Variants in AADACL2 observed in about 807,000 individuals in gnomAD.
The protein encoded by AADACL2 is arylacetamide deacetylase-like 2.
AADACL2 carries 23 observed loss-of-function variants against 22.3 expected under a neutral mutation model. That is an observed-to-expected ratio of 1.03 (90% CI 0.74 to 1.46). The LOEUF is 1.46. Ranked by LOEUF, AADACL2 falls within the 40% of genes most tolerant of loss-of-function variation. AADACL2 has a pLI of 0.00. For missense variants in AADACL2, 472 were observed against 482.9 expected (o/e 0.98, Z 0.21); for synonymous variants, 177 against 166.2 (o/e 1.07, Z -0.50).
chr3:151,744,324 C>T (rs959705706), intron 3 of AADACL2, among the ~76,000 whole-genome samples, 162 bp downstream of exon 3: 4 of 152,004 alleles, frequency 2.6e-5, no homozygotes, highest in African/African-American at 7.2e-5. Flanking sequence ...GTTCAGTGTC[C>T]CATTATTTTT....
At chr3:151,755,430 G>A (rs965505259) in intron 4 of AADACL2, among the ~76,000 whole-genome samples, 1 of 152,064 alleles carries the variant, frequency 6.6e-6, no homozygotes, top group Non-Finnish European at 1.5e-5. Flanking sequence ...GTATTTACAT[G>A]CAGAATCACA....
At position 151,750,141 on chromosome 3, in the gene AADACL2, T is replaced by C. The variant is rs1713616119; in HGVS notation, c.603+4461T>C. ...CTCTTACTATGGCATATCACCTTGA[T>C]AGATTTGTGTGTATTGAAACATCCT... On this transcript the variant is annotated intron_variant, in intron 4 of 4. Coordinates refer to ENST00000356517, the MANE Select transcript of AADACL2 (RefSeq NM_207365.4). Among the ~76,000 whole-genome samples, 2 of 152,232 alleles carry C rather than the reference T, an allele frequency of 1.3e-5. 1 individual carries two copies. Among genetic ancestry groups the C allele is most frequent in the African/African-American group, 4.8e-5 (2 of 41,468 alleles).
At chr3:151,735,515 T>C (rs1713059289) in intron 1 of AADACL2, among the ~76,000 whole-genome samples, 1 of 152,230 alleles carries the variant, frequency 6.6e-6, no homozygotes, top group African/African-American at 2.4e-5. Context: ...TTCAGTACTT[T>C]GGGAGGCCAA....
intron 3 of AADACL2, 137 bp from the exon 4 acceptor site, chr3:151,745,372 C>G (rs1385175058): frequency 2.5e-6 from 2 of 810,472 alleles, no homozygotes; most frequent in Admixed American, 2.7e-5. Context: ...TCATTTTAAT[C>G]AAGAGTTAGT....
chr3:151,755,509 T>C (rs989981023), intron 4 of AADACL2, among the ~76,000 whole-genome samples: 1 of 152,112 alleles, frequency 6.6e-6, no homozygotes, highest in African/African-American at 2.4e-5. Context: ...AATAACATAG[T>C]TGTTAAGACT....
rs750134893 is a variant in AADACL2, at chr3:151,740,685, G to A, written c.178G>A (p.Glu60Lys). ...AAATATGCGTATTATGAGATATGAA[G>A]AGTTTATATCCATGATATTCAGGCT... ...FENMRIMRYE[E>K]FISMIFRLDY... The change falls in exon 2 of 5, where the codon GAG (glutamate) becomes AAG (lysine). Residue 60 changes from glutamate (E) to lysine (K), a missense_variant. This residue lies in a region of AADACL2 where 356 missense variants were observed against 365.5 expected (regional missense o/e 0.97). Transcript: ENST00000356517. 9 of 1,612,662 alleles carry A rather than the reference G, an allele frequency of 5.6e-6. No individual in the cohort carries two copies. The highest frequency in any genetic ancestry group is 7.6e-6 in the Non-Finnish European group (9 of 1,179,090).
At position 151,757,623 on chromosome 3, in the gene AADACL2, A is replaced by G. The variant is rs752312957; in HGVS notation, c.*29A>G. 5.2e-6 allele frequency: 8 copies of G among 1,551,944 alleles called. No homozygotes were observed. The Admixed American group carries it at 9.6e-5, about 19-fold the overall frequency. Reference sequence around the variant, plus strand: ...TGTGATGTGTATGTATAGCCCTTACATAGTGGATTGTAATTTGTGATATTT... The same window carrying G: ...TGTGATGTGTATGTATAGCCCTTACGTAGTGGATTGTAATTTGTGATATTT... On this transcript the variant is annotated 3_prime_UTR_variant, in exon 5 of 5. Transcript: ENST00000356517.
At chr3:151,756,932 T>G in intron 4 of AADACL2, 60 bp from the exon 5 acceptor site, 1 of 1,491,404 alleles carries the variant, frequency 6.7e-7, no homozygotes. Flanking sequence ...ATAATTAAAT[T>G]TTTTTTCTCC....
chr3:151,748,650 T>C (rs1341004170), intron 4 of AADACL2, among the ~76,000 whole-genome samples: 2 of 152,200 alleles, frequency 1.3e-5, no homozygotes, highest in Non-Finnish European at 2.9e-5. Flanking sequence ...GCTTCCTTGG[T>C]TTCTCTCTCT....
chr3:151,735,617 C>T (rs1316857632), intron 1 of AADACL2, among the ~76,000 whole-genome samples: 2 of 152,106 alleles, frequency 1.3e-5, no homozygotes, highest in East Asian at 3.9e-4. Flanking sequence ...AATTAGCCAG[C>T]TGTTGTGGTG....
At chr3:151,743,530 C>T (rs1185089215) in intron 2 of AADACL2, among the ~76,000 whole-genome samples, 2 of 152,106 alleles carry the variant, frequency 1.3e-5, no homozygotes, top group Non-Finnish European at 2.9e-5. Context: ...CAGAGGCTCT[C>T]TCATATCTAG....
At position 151,743,977 on chromosome 3, in the gene AADACL2, G is replaced by A. The variant is rs76108308; in HGVS notation, c.362-116G>A. ...TCCATCTGCTTGGAAATGGGGGGTGGAAATAAAAGCTATGTGATATTCACA... is the reference window on the plus strand; with the variant it reads ...TCCATCTGCTTGGAAATGGGGGGTGAAAATAAAAGCTATGTGATATTCACA... On this transcript the variant is annotated intron_variant, in intron 2 of 4. Coordinates refer to ENST00000356517, the MANE Select transcript of AADACL2 (RefSeq NM_207365.4). 3,820 of 1,038,268 alleles carry A rather than the reference G, an allele frequency of 3.7e-3. 100 individuals carry two copies. In the African/African-American group the frequency reaches 0.053, roughly 14 times the overall value. 64.3% of individuals were successfully genotyped at this position (1,038,268 alleles called of 1,614,324 possible).
intron 4 of AADACL2, among the ~76,000 whole-genome samples, chr3:151,749,050 T>G (rs969524552): frequency 6.6e-6 from 1 of 152,154 alleles, no homozygotes; most frequent in African/African-American, 2.4e-5. Flanking sequence ...CCATATTAAT[T>G]TTCTATTTCT....
At chr3:151,752,068 T>G (rs1391296752) in intron 4 of AADACL2, among the ~76,000 whole-genome samples, 1 of 152,220 alleles carries the variant, frequency 6.6e-6, no homozygotes, top group Non-Finnish European at 1.5e-5. Flanking sequence ...TTTAAGTTAT[T>G]TGTTCTTCAT....
rs1485503676 is a variant in AADACL2 at position 151,760,962 on chromosome 3, T to G, written c.*3368T>G. ...TTATAAAGATAGCAGTCAGATTAGA[T>G]TAGGGCCTATCCTAATAATTTCATT... On this transcript the variant is annotated 3_prime_UTR_variant, in exon 5 of 5. Transcript: ENST00000356517. 6.6e-6 allele frequency: 1 copy of G among 151,824 alleles called. No individual in the cohort carries two copies. Among genetic ancestry groups the G allele is most frequent in the Non-Finnish European group, 1.5e-5 (1 of 67,958 alleles). 9.4% of individuals were successfully genotyped at this position (151,824 alleles called of 1,614,324 possible).
chr3:151,745,967 T>A (rs1195115845), intron 4 of AADACL2, among the ~76,000 whole-genome samples: 1 of 152,166 alleles, frequency 6.6e-6, no homozygotes, highest in Admixed American at 6.6e-5. Context: ...TATTAGATTA[T>A]CTTATCAATT....
chr3:151,745,648 G>C lies in AADACL2; in HGVS notation c.571G>C (p.Gly191Arg), dbSNP rs370809556. The C allele has an allele frequency of 5.6e-6, 9 of 1,611,620 alleles. No individual in the cohort carries two copies. Among genetic ancestry groups the C allele is most frequent in the Non-Finnish European group, 7.6e-6 (9 of 1,179,062 alleles). Residue 191 changes from glycine to arginine, a missense_variant, in exon 4 of 5, where the codon GGG (glycine) becomes CGG (arginine). This residue lies in a region of AADACL2 where 356 missense variants were observed against 365.5 expected (regional missense o/e 0.97). Coordinates refer to ENST00000356517, the MANE Select transcript of AADACL2 (RefSeq NM_207365.4). Reference protein sequence around the residue: ...TRICIAGDSSGGNLATAVTQQ... With the variant: ...TRICIAGDSSRGNLATAVTQQ... The stretch of plus-strand genomic sequence containing the variant: ...AATCTGCATTGCGGGAGACAGTTCT[G>C]GGGGCAATTTAGCAACAGCGGTCAC...
rs1714056612 is a variant in AADACL2 at position 151,758,989 on chromosome 3, T to A, written c.*1395T>A. ...CAAACAAAATAAGATTTTTTTAATGTAGAGAGAAATTAATTATGTTCAAAG... is the reference window on the plus strand; with the variant it reads ...CAAACAAAATAAGATTTTTTTAATGAAGAGAGAAATTAATTATGTTCAAAG... On this transcript the variant is annotated 3_prime_UTR_variant, in exon 5 of 5. Coordinates refer to ENST00000356517, the MANE Select transcript of AADACL2 (RefSeq NM_207365.4). 6.6e-6 allele frequency: 1 copy of A among 152,078 alleles called. No individual in the cohort carries two copies. Among genetic ancestry groups the A allele is most frequent in the Non-Finnish European group, 1.5e-5 (1 of 67,992 alleles). The allele number at this position is 152,078 out of a possible 1,614,324, so 9.4% of individuals were successfully genotyped here. A position where few individuals can be genotyped will look rare whatever the true frequency, so the allele number is the denominator to read the frequency against.
chr3:151,740,983 T>G, intron 2 of AADACL2, 115 bp downstream of exon 2: 1 of 795,702 alleles, frequency 1.3e-6, no homozygotes. Context: ...TATACTTGTC[T>G]GGATATGGAT....
Sources: gnomAD v4.1 joint callset for allele counts (sites outside exome capture counted in the v4.1 genomes callset) on GRCh38, gnomAD v4.1.1 for gene constraint, gnomAD v4.1.1 regional missense constraint, MANE v1.5 for transcripts, NCBI Gene and HGNC (gene_info 2026-07-23, HGNC 2026-07-21) for gene names.